Variants in PARD3 observed in about 807,000 individuals in gnomAD.
PARD3 encodes the protein partitioning defective 3 homolog.
PARD3 carries 75 observed loss-of-function variants against 155.4 expected under a neutral mutation model. The observed-to-expected ratio is 0.48, with a 90% CI of 0.40 to 0.58. The LOEUF (loss-of-function observed/expected upper bound fraction) is 0.58, where lower values mean the gene tolerates loss of function less well. PARD3 is among the 20% of genes least tolerant of loss of function. The pLI is 0.00. For synonymous variants in PARD3, 576 were observed against 610.5 expected, an observed-to-expected ratio of 0.94 and a Z score of 0.83; for missense variants, 1,642 against 1,721.7, an observed-to-expected ratio of 0.95 and a Z score of 0.82.
At chr10:34,461,983 T>G (rs576658498) in intron 4 of PARD3, among the ~76,000 whole-genome samples, 13 of 152,314 alleles carry the variant, frequency 8.5e-5, no homozygotes, top group South Asian at 4.1e-4. Context: ...TAGAAAAAGA[T>G]GAGACTAGGT....
At chr10:34,416,669 A>C (rs954524289) in intron 5 of PARD3, among the ~76,000 whole-genome samples, 1 of 152,200 alleles carries the variant, frequency 6.6e-6, no homozygotes, top group Non-Finnish European at 1.5e-5. Context: ...AAACCTAGCC[A>C]GACACTGCCC....
chr10:34,384,779 A>C (rs1842182895), intron 7 of PARD3, among the ~76,000 whole-genome samples: 1 of 152,206 alleles, frequency 6.6e-6, no homozygotes, highest in South Asian at 2.1e-4. Context: ...TTTGCATTTG[A>C]ATTTGATAGT....
chr10:34,146,644 T>C (rs1343385524), intron 22 of PARD3, among the ~76,000 whole-genome samples: 4 of 152,226 alleles, frequency 2.6e-5, no homozygotes, highest in African/African-American at 9.6e-5. Flanking sequence ...CTGGTCAATA[T>C]GGTGACTGTG....
At chr10:34,692,567 C>T (rs1476313968) in intron 2 of PARD3, among the ~76,000 whole-genome samples, 1 of 152,186 alleles carries the variant, frequency 6.6e-6, no homozygotes, top group African/African-American at 2.4e-5. Context: ...AAGCATAAAA[C>T]AACCCCATTA....
chr10:34,679,247 G>T (rs1047100717), intron 2 of PARD3, among the ~76,000 whole-genome samples: 1 of 152,170 alleles, frequency 6.6e-6, no homozygotes, highest in South Asian at 2.1e-4. Flanking sequence ...CCGGCAGTGT[G>T]GACTCCAGGT....
intron 1 of PARD3, among the ~76,000 whole-genome samples, chr10:34,798,162 GAA>G (rs11340214): frequency 6.7e-6 from 1 of 149,116 alleles, no homozygotes; most frequent in Non-Finnish European, 1.5e-5. Flanking sequence ...TCTACAAAAA[GAA>G]AAAAAAAATG....
intron 2 of PARD3, among the ~76,000 whole-genome samples, chr10:34,678,437 G>A (rs2093752524): frequency 6.6e-6 from 1 of 152,162 alleles, no homozygotes; most frequent in Non-Finnish European, 1.5e-5. Flanking sequence ...TGAAATTGGA[G>A]AAACACTAAT....
intron 22 of PARD3, among the ~76,000 whole-genome samples, chr10:34,194,645 C>CT (rs201286700): frequency 1.6e-4 from 20 of 121,348 alleles, no homozygotes; most frequent in Non-Finnish European, 3.3e-4. Flanking sequence ...TAAATTAACA[C>CT]TTTTTTTTCC....
Position 34,284,120 on chromosome 10 carries a change from G to T in PARD3, c.3176+15C>A. ...CCTCTTTCTAAGGAGGTTTAATCAAGTAACTGAAGTCTACCTCTCCTGCTC... is the reference window on the plus strand; with the variant it reads ...CCTCTTTCTAAGGAGGTTTAATCAATTAACTGAAGTCTACCTCTCCTGCTC... On this transcript the variant is annotated intron_variant, in intron 21 of 24. Transcript: ENST00000374788. 1.4e-6 allele frequency: 2 copies of T among 1,399,022 alleles called. No homozygotes were observed. The highest frequency in any genetic ancestry group is 2.0e-6 in the Non-Finnish European group (2 of 1,000,344). 86.7% of individuals were successfully genotyped at this position (1,399,022 alleles called of 1,614,324 possible).
chr10:34,429,519 C>T (rs1002027575), intron 5 of PARD3, among the ~76,000 whole-genome samples: 5 of 151,920 alleles, frequency 3.3e-5, no homozygotes, highest in South Asian at 4.1e-4. Flanking sequence ...CCTCAGCCTT[C>T]TGGGTAGCTA....
intron 1 of PARD3, among the ~76,000 whole-genome samples, chr10:34,773,572 A>G (rs778980129): frequency 6.7e-4 from 102 of 152,218 alleles, no homozygotes; most frequent in Non-Finnish European, 9.4e-4. Context: ...TTTACACAAC[A>G]TCACCAACAA....
At chr10:34,204,983 G>A (rs1951402039) in intron 22 of PARD3, among the ~76,000 whole-genome samples, 1 of 152,196 alleles carries the variant, frequency 6.6e-6, no homozygotes, top group African/African-American at 2.4e-5. Flanking sequence ...CCGTAATTAA[G>A]CCAAACGATT....
intron 1 of PARD3, among the ~76,000 whole-genome samples, chr10:34,804,035 GT>G (rs373473801): frequency 8.5e-4 from 116 of 136,870 alleles, no homozygotes; most frequent in South Asian, 3.2e-3. Flanking sequence ...ATTTGTTTTT[GT>G]TTTTTTTTTT....
chr10:34,228,054 A>T (rs1952715752), intron 22 of PARD3, among the ~76,000 whole-genome samples: 1 of 151,648 alleles, frequency 6.6e-6, no homozygotes, highest in South Asian at 2.1e-4. Context: ...AAAATGTGGC[A>T]CATATACACC....
intron 5 of PARD3, among the ~76,000 whole-genome samples, chr10:34,425,091 T>A (rs2075525561): frequency 6.6e-6 from 1 of 152,130 alleles, no homozygotes; most frequent in Non-Finnish European, 1.5e-5. Flanking sequence ...GACCACTTTT[T>A]TTTTTATTCC....
intron 2 of PARD3, among the ~76,000 whole-genome samples, chr10:34,583,438 C>G (rs1318096097): frequency 6.6e-6 from 1 of 151,874 alleles, no homozygotes; most frequent in Non-Finnish European, 1.5e-5. Context: ...TAATTTTTGT[C>G]TTTTTGATTT....
At chr10:34,714,411 A>T (rs2094488677) in intron 1 of PARD3, among the ~76,000 whole-genome samples, 2 of 152,178 alleles carry the variant, frequency 1.3e-5, no homozygotes, top group African/African-American at 4.8e-5. Flanking sequence ...ATGGACAAAC[A>T]GTTATCCAAC....
intron 2 of PARD3, among the ~76,000 whole-genome samples, chr10:34,602,212 C>G (rs2089845441): frequency 6.6e-6 from 1 of 152,144 alleles, no homozygotes; most frequent in Non-Finnish European, 1.5e-5. Context: ...CATTACTGGA[C>G]AGATCAATAT....
In PARD3 at chr10:34,651,024, A is replaced by C. The variant is rs1272525433; in HGVS notation, c.222+45294T>G. ...GAAACTCTGTCTCAAAAAAAAAAAA[A>C]AAAAAAAAAAAAAAAAAAAAAAAAA... On this transcript the variant is annotated intron_variant, in intron 2 of 24. Transcript: ENST00000374788. Among the ~76,000 whole-genome samples the C allele has an allele frequency of 8.7e-4, 46 of 53,032 alleles. 1 individual carries two copies. The South Asian group carries it at 0.017, about 19-fold the overall frequency. The allele number at this position is 53,032 out of a possible 152,430, so 34.8% of individuals were successfully genotyped here. A position where few individuals can be genotyped will look rare whatever the true frequency, so the allele number is the denominator to read the frequency against.
Sources: allele counts gnomAD v4.1 joint callset (sites outside exome capture counted in the v4.1 genomes callset), GRCh38; gene constraint gnomAD v4.1.1; transcripts MANE v1.5; gene names NCBI Gene and HGNC (gene_info 2026-07-23, HGNC 2026-07-21).